Variants in MDFIC observed in about 807,000 individuals in gnomAD.
The protein encoded by MDFIC is myoD family inhibitor domain-containing protein.
Under a neutral mutation model 23.2 loss-of-function variants are expected in MDFIC, and 17 were observed. That is an observed-to-expected ratio of 0.73 (90% CI 0.50 to 1.10). MDFIC has a LOEUF of 1.10. Ranked by LOEUF, MDFIC falls within the 50% of genes least tolerant of loss-of-function variation. The pLI, the probability that MDFIC is intolerant of heterozygous loss-of-function variation, is 0.00. For missense variants in MDFIC, 356 were observed against 316.6 expected (o/e 1.12, Z -0.95); for synonymous variants, 120 against 115.2 (o/e 1.04, Z -0.27).
chr7:114,929,715 A>C (rs569504974), intron 2 of MDFIC, among the ~76,000 whole-genome samples: 2 of 152,340 alleles, frequency 1.3e-5, no homozygotes, highest in African/African-American at 4.8e-5. Flanking sequence ...AACAGGGTGC[A>C]TGGAAGACTT....
chr7:114,957,208 C>T (rs542591378), intron 3 of MDFIC, among the ~76,000 whole-genome samples: 9 of 152,160 alleles, frequency 5.9e-5, no homozygotes, highest in Admixed American at 3.3e-4. Context: ...TATATTACAT[C>T]GAAATCAAGG....
At chr7:114,967,486 A>G (rs1169816984) in intron 3 of MDFIC, among the ~76,000 whole-genome samples, 1 of 152,208 alleles carries the variant, frequency 6.6e-6, no homozygotes, top group Admixed American at 6.5e-5. Flanking sequence ...GATGACTGTA[A>G]ACATATGGAA....
Position 114,982,151 on chromosome 7 carries a change from T to A in MDFIC, c.493+2370T>A, listed in dbSNP as rs535237931. Among the ~76,000 whole-genome samples the A allele has an allele frequency of 2.6e-5, 4 of 152,146 alleles. No individual in the cohort carries two copies. The South Asian group carries it at 8.3e-4, about 32-fold the overall frequency. On this transcript the variant is annotated intron_variant, in intron 4 of 4. Transcript: ENST00000393486. Reference sequence around the variant, plus strand: ...ATCTCTTGCTCTATAGAATATGTGATCTCTTGTTGAGGAAACACCTAAAAC... The same window carrying A: ...ATCTCTTGCTCTATAGAATATGTGAACTCTTGTTGAGGAAACACCTAAAAC...
At chr7:114,984,514 GA>G (rs995941525) in intron 4 of MDFIC, among the ~76,000 whole-genome samples, 24 of 150,026 alleles carry the variant, frequency 1.6e-4, no homozygotes, top group African/African-American at 4.9e-4. Flanking sequence ...TGCAATGGAG[GA>G]AAAAAAAACC....
At chr7:114,949,659 G>T (rs1337796218) in intron 3 of MDFIC, among the ~76,000 whole-genome samples, 1 of 152,188 alleles carries the variant, frequency 6.6e-6, no homozygotes, top group Non-Finnish European at 1.5e-5. Flanking sequence ...ACAGTGATGG[G>T]TGTGGGTTCT....
chr7:114,997,789 AAAAGAAAGAAAGAG>A (rs1249627388), intron 4 of MDFIC, among the ~76,000 whole-genome samples: 1 of 151,604 alleles, frequency 6.6e-6, no homozygotes, highest in Non-Finnish European at 1.5e-5. Flanking sequence ...AAAAGAAAGA[AAAAGAAAGAAAGAG>A]AAAGAAAGAA....
chr7:114,923,386 T>C, intron 2 of MDFIC: 1 of 1,423,066 alleles, frequency 7.0e-7, no homozygotes, highest in Non-Finnish European at 9.6e-7. Flanking sequence ...ATGACAGGAT[T>C]GCTTCTTTCT....
In MDFIC at chr7:114,979,500, A is replaced by G. The variant is rs1308357485; in HGVS notation, c.218-6A>G. On this transcript the variant is annotated splice_polypyrimidine_tract_variant and splice_region_variant and intron_variant, in intron 3 of 4. Coordinates refer to ENST00000393486, the MANE Select transcript of MDFIC (RefSeq NM_001166345.3). ...ACTGGCTGACTTTTTCCTGTTTTTAATTTAGCCCAACCTCAGCGCTTGCCT... is the reference window on the plus strand; with the variant it reads ...ACTGGCTGACTTTTTCCTGTTTTTAGTTTAGCCCAACCTCAGCGCTTGCCT... The G allele has an allele frequency of 6.3e-7, 1 of 1,577,714 alleles. No homozygotes were observed. The highest frequency in any genetic ancestry group is 8.6e-7 in the Non-Finnish European group (1 of 1,164,414).
At chr7:115,006,202 A>G (rs1196114732) in intron 4 of MDFIC, among the ~76,000 whole-genome samples, 3 of 152,194 alleles carry the variant, frequency 2.0e-5, no homozygotes, top group Admixed American at 6.5e-5. Context: ...TTGGATTGCA[A>G]AAGTGCCCTT....
intron 4 of MDFIC, among the ~76,000 whole-genome samples, chr7:115,005,031 C>T (rs760681053): frequency 6.6e-6 from 1 of 152,128 alleles, no homozygotes; most frequent in Admixed American, 6.5e-5. Context: ...TGCATTAAAC[C>T]CAGTAATGGT....
intron 4 of MDFIC, among the ~76,000 whole-genome samples, chr7:114,988,299 A>T (rs1159311359): frequency 6.6e-6 from 1 of 152,198 alleles, no homozygotes; most frequent in African/African-American, 2.4e-5. Context: ...TTTAGAAACC[A>T]GGCTTCAGAA....
chr7:114,930,877 A>G (rs1792295370), intron 2 of MDFIC, among the ~76,000 whole-genome samples: 1 of 152,236 alleles, frequency 6.6e-6, no homozygotes, highest in Non-Finnish European at 1.5e-5. Context: ...TACTTCTAAA[A>G]GCATTCAGTT....
At chr7:114,942,055 T>C (rs1463198981) in intron 2 of MDFIC, among the ~76,000 whole-genome samples, 1 of 152,216 alleles carries the variant, frequency 6.6e-6, no homozygotes, top group Non-Finnish European at 1.5e-5. Flanking sequence ...AGATTATTTT[T>C]ACCATGAACA....
At chr7:114,990,560 C>A (rs1262156984) in intron 4 of MDFIC, among the ~76,000 whole-genome samples, 1 of 152,208 alleles carries the variant, frequency 6.6e-6, no homozygotes, top group Non-Finnish European at 1.5e-5. Flanking sequence ...CAAGTGTTCT[C>A]ATTGTTCAAT....
intron 3 of MDFIC, among the ~76,000 whole-genome samples, chr7:114,953,507 G>A (rs1792820868): frequency 6.6e-6 from 1 of 152,144 alleles, no homozygotes; most frequent in Non-Finnish European, 1.5e-5. Flanking sequence ...TGATGTGAAG[G>A]GATGTTGATA....
At chr7:114,995,818 T>C (rs1053573110) in intron 4 of MDFIC, among the ~76,000 whole-genome samples, 1 of 152,158 alleles carries the variant, frequency 6.6e-6, no homozygotes, top group Non-Finnish European at 1.5e-5. Context: ...AGGCAGTCTG[T>C]CCGTTCTCAG....
intron 4 of MDFIC, among the ~76,000 whole-genome samples, chr7:114,982,930 A>G (rs1793443032): frequency 6.6e-6 from 1 of 152,202 alleles, no homozygotes; most frequent in Admixed American, 6.5e-5. Context: ...CAAAAACTGC[A>G]TGAAGCCTCT....
chr7:114,998,049 T>C (rs1395320587), intron 4 of MDFIC, among the ~76,000 whole-genome samples: 1 of 152,202 alleles, frequency 6.6e-6, no homozygotes, highest in Admixed American at 6.5e-5. Context: ...ACTAAAAGTT[T>C]CCATTGATTT....
At chr7:114,991,262 T>C (rs1342145683) in intron 4 of MDFIC, among the ~76,000 whole-genome samples, 1 of 152,218 alleles carries the variant, frequency 6.6e-6, no homozygotes, top group Non-Finnish European at 1.5e-5. Flanking sequence ...CTTTGTCAGA[T>C]GAGTAGATTG....
Sources: allele counts gnomAD v4.1 joint callset (sites outside exome capture counted in the v4.1 genomes callset), GRCh38; gene constraint gnomAD v4.1.1; transcripts MANE v1.5; gene names NCBI Gene and HGNC (gene_info 2026-07-23, HGNC 2026-07-21).